ATP11A: variants seen among roughly 807,000 people sequenced by gnomAD.
ATP11A encodes phospholipid-transporting ATPase IH.
Under a neutral mutation model 154.4 loss-of-function variants are expected in ATP11A, and 81 were observed. The ratio of observed to expected loss-of-function variants is 0.52; its 90% CI spans 0.44 to 0.63. The LOEUF (loss-of-function observed/expected upper bound fraction) is 0.63. ATP11A is among the 30% of genes least tolerant of loss of function. ATP11A has a pLI of 0.00. For missense variants in ATP11A, 1,316 were observed against 1,474.3 expected (o/e 0.89, Z 1.76); for synonymous variants, 623 against 585.9 (o/e 1.06, Z -0.91).
intron 8 of ATP11A, among the ~76,000 whole-genome samples, chr13:112,821,355 C>G (rs2078792664): frequency 6.6e-6 from 1 of 152,124 alleles, no homozygotes; most frequent in East Asian, 1.9e-4. Flanking sequence ...CGCTCTGTCA[C>G]CAGTCTGGAG....
chr13:112,788,275 G>A (rs896561603), intron 2 of ATP11A, among the ~76,000 whole-genome samples: 24 of 150,594 alleles, frequency 1.6e-4, no homozygotes, highest in African/African-American at 5.6e-4. Flanking sequence ...ATTCACACCG[G>A]GTATTCTGAC....
intron 1 of ATP11A, among the ~76,000 whole-genome samples, chr13:112,745,145 A>G (rs557804371): frequency 4.5e-4 from 69 of 152,286 alleles, no homozygotes; most frequent in African/African-American, 1.6e-3. Context: ...GCTCACTGCA[A>G]TCTCCGCTTC....
rs1042723612 is a variant in ATP11A, at chr13:112,807,438, G to A, written c.333+1145G>A. ...GTAAGGAAATGGACAGCTCCGCCGCGGTGCATGGCAGAACACAGCACAGTA... is the reference window on the plus strand; with the variant it reads ...GTAAGGAAATGGACAGCTCCGCCGCAGTGCATGGCAGAACACAGCACAGTA... On this transcript the variant is annotated intron_variant, in intron 4 of 29. Coordinates refer to ENST00000375645, the MANE Select transcript of ATP11A (RefSeq NM_015205.3). This position sits in a 1 kb window ranked among gnomAD's most constrained non-coding sequence, Gnocchi z 4.5. Among the ~76,000 whole-genome samples, 82 of 152,314 alleles carry A rather than the reference G, an allele frequency of 5.4e-4. No individual in the cohort carries two copies. The highest frequency in any genetic ancestry group is 1.7e-3 in the African/African-American group (72 of 41,570).
In ATP11A at chr13:112,741,969, G is replaced by A. The variant is rs28507832; in HGVS notation, c.40-43166G>A. Among the ~76,000 whole-genome samples, 3 of 150,918 alleles carry A rather than the reference G, an allele frequency of 2.0e-5. No homozygotes were observed. The South Asian group carries it at 6.3e-4, about 32-fold the overall frequency. On this transcript the variant is annotated intron_variant, in intron 1 of 29. Transcript: ENST00000375645. ...ACGGAAGAGCGCTCCCCTTCCCCAC[G>A]GAAGAGTGGTTCCCCCACCACAGAA...
intron 1 of ATP11A, among the ~76,000 whole-genome samples, chr13:112,768,615 G>A (rs1380017142): frequency 6.6e-6 from 1 of 152,168 alleles, no homozygotes; most frequent in Non-Finnish European, 1.5e-5. Flanking sequence ...CACTTGGAAG[G>A]TATATAATTT....
At chr13:112,713,036 G>A (rs538020131) in intron 1 of ATP11A, among the ~76,000 whole-genome samples, 6 of 152,208 alleles carry the variant, frequency 3.9e-5, no homozygotes, top group Non-Finnish European at 7.3e-5. Flanking sequence ...GAGCACGCTC[G>A]ACTGTATTTC....
At chr13:112,825,641 TGTG>T (rs1390026138) in intron 11 of ATP11A, 61 bp downstream of exon 11, 1 of 1,515,522 alleles carries the variant, frequency 6.6e-7, no homozygotes, top group Non-Finnish European at 8.8e-7. Flanking sequence ...ATTACGAAAA[TGTG>T]GTGCAAGAAA....
chr13:112,698,056 A>G (rs1401669016), intron 1 of ATP11A, among the ~76,000 whole-genome samples: 1 of 152,142 alleles, frequency 6.6e-6, no homozygotes, highest in Non-Finnish European at 1.5e-5. Context: ...TGGGACAGGC[A>G]GGCTCCTCTG....
chr13:112,692,380 C>G (rs952859322), intron 1 of ATP11A, among the ~76,000 whole-genome samples: 2 of 152,262 alleles, frequency 1.3e-5, no homozygotes, highest in African/African-American at 4.8e-5. Flanking sequence ...TTTGGAGAAT[C>G]CCCCCTTCCC....
chr13:112,758,860 G>A (rs897725731), intron 1 of ATP11A, among the ~76,000 whole-genome samples: 20 of 152,312 alleles, frequency 1.3e-4, no homozygotes, highest in Middle Eastern at 3.4e-3. Flanking sequence ...TGGGGTGTGT[G>A]CTCTTCATAA....
chr13:112,882,185 G>C lies in ATP11A; in HGVS notation c.*319G>C. 4.8e-6 allele frequency: 6 copies of C among 1,238,948 alleles called. No homozygotes were observed. The highest frequency in any genetic ancestry group is 6.3e-6 in the Non-Finnish European group (6 of 945,134). The allele number at this position is 1,238,948 out of a possible 1,614,324, so 76.7% of individuals were successfully genotyped here. On this transcript the variant is annotated 3_prime_UTR_variant, in exon 30 of 30. Transcript: ENST00000375645. This position sits in a 1 kb window ranked among gnomAD's most constrained non-coding sequence, Gnocchi z 5.1. ...ACCCTGGCCGCCTGGACCCAGCACT[G>C]TGGTTGTTGAGCCACACCAGTGGCC... is the stretch of plus-strand genomic sequence containing the variant.
At chr13:112,707,791 G>A (rs282573) in intron 1 of ATP11A, among the ~76,000 whole-genome samples, 126,539 of 152,066 alleles carry the variant, frequency 0.83, 53,125 homozygotes, top group East Asian at 0.96. Flanking sequence ...AGTGACAACC[G>A]GCTCAGTGGT....
In ATP11A at chr13:112,883,445, C is replaced by G. The variant is rs1466580199; in HGVS notation, c.*1579C>G. On this transcript the variant is annotated 3_prime_UTR_variant, in exon 30 of 30. Transcript: ENST00000375645. ...AGCCGGCCCTCACGCCCGCCCCGCG[C>G]CACGCTGTGGAACGGGGCTCCGGCA... The G allele has an allele frequency of 5.4e-6, 2 of 373,310 alleles. No homozygotes were observed. Among genetic ancestry groups the G allele is most frequent in the African/African-American group, 2.1e-5 (1 of 48,128 alleles). The allele number at this position is 373,310 out of a possible 1,614,324, so 23.1% of individuals were successfully genotyped here.
Position 112,860,491 on chromosome 13 carries a change from C to T in ATP11A, c.2855+77C>T, listed in dbSNP as rs536578100. On this transcript the variant is annotated intron_variant, in intron 24 of 29. Transcript: ENST00000375645. ...CACTCTGGCAGTTCCTTCCAATAGC[C>T]ACCTGGCAGACCTCAGTTGAGGGCC... 1.9e-6 allele frequency: 3 copies of T among 1,568,630 alleles called. No individual in the cohort carries two copies. In the African/African-American group the frequency reaches 4.0e-5, roughly 21 times the overall value.
chr13:112,780,592 G>A (rs377508734), intron 1 of ATP11A, among the ~76,000 whole-genome samples: 2 of 152,084 alleles, frequency 1.3e-5, no homozygotes, highest in East Asian at 3.9e-4. Flanking sequence ...GAACCTTCTC[G>A]CCGAATTTTT....
In ATP11A at chr13:112,814,606, A is replaced by G. The variant is rs542796816; in HGVS notation, c.442-1477A>G. On this transcript the variant is annotated intron_variant, in intron 5 of 29. Coordinates refer to ENST00000375645, the MANE Select transcript of ATP11A (RefSeq NM_015205.3). Reference sequence around the variant, plus strand: ...TGTCTTGTCGCCCCTGCACCAGGGGATGGCTGGCTGTCCCTTTTCCACGGA... The same window carrying G: ...TGTCTTGTCGCCCCTGCACCAGGGGGTGGCTGGCTGTCCCTTTTCCACGGA... 4.3e-4 allele frequency among the ~76,000 whole-genome samples: 66 copies of G among 152,138 alleles called. No homozygotes were observed. The South Asian group carries it at 8.3e-3, about 19-fold the overall frequency.
At chr13:112,701,026 C>T (rs550954080) in intron 1 of ATP11A, among the ~76,000 whole-genome samples, 3 of 152,196 alleles carry the variant, frequency 2.0e-5, no homozygotes, top group Non-Finnish European at 4.4e-5. Flanking sequence ...AGGGATCAGC[C>T]GACCCCAGGT....
At chr13:112,830,143 T>C (rs2079047593) in intron 12 of ATP11A, among the ~76,000 whole-genome samples, 2 of 152,248 alleles carry the variant, frequency 1.3e-5, no homozygotes, top group African/African-American at 4.8e-5. Context: ...AGGTCTTTTA[T>C]AATTAATTTT....
chr13:112,703,078 G>A (rs1011851700), intron 1 of ATP11A, among the ~76,000 whole-genome samples: 1 of 152,226 alleles, frequency 6.6e-6, no homozygotes, highest in Admixed American at 6.5e-5. Context: ...AGCTGAACAG[G>A]TACTGCCTGT....
Sources: gnomAD v4.1 joint callset for allele counts (sites outside exome capture counted in the v4.1 genomes callset) on GRCh38, gnomAD v4.1.1 for gene constraint, Gnocchi (gnomAD v3.1) non-coding constraint, MANE v1.5 for transcripts, NCBI Gene and HGNC (gene_info 2026-07-23, HGNC 2026-07-21) for gene names.